Variants in UTS2B observed in about 807,000 individuals in gnomAD.
The protein encoded by UTS2B is urotensin-2B.
In UTS2B, 21 loss-of-function variants were observed where a neutral mutation model predicts 19.2. The ratio of observed to expected loss-of-function variants is 1.09; its 90% CI spans 0.78 to 1.58. The LOEUF is 1.58. Ranked by LOEUF, UTS2B falls within the 40% of genes most tolerant of loss-of-function variation. The pLI, the probability that UTS2B is intolerant of heterozygous loss-of-function variation, is 0.00. For synonymous variants in UTS2B, 57 were observed against 50.2 expected (o/e 1.14, Z -0.58); for missense variants, 138 against 130.3 (o/e 1.06, Z -0.29).
the UTS2B span, among the ~76,000 whole-genome samples, chr3:191,338,855 A>G: frequency 6.6e-6 from 1 of 152,230 alleles, no homozygotes; most frequent in Admixed American, 6.5e-5. Flanking sequence ...TTTAAGGATT[A>G]ATTTTAATTA....
chr3:191,273,117 G>A (rs542286795), intron 8 of UTS2B, among the ~76,000 whole-genome samples: 3 of 152,288 alleles, frequency 2.0e-5, no homozygotes, highest in Admixed American at 1.3e-4. Context: ...GCAGTGAGCC[G>A]AGATCGCACC....
chr3:191,289,659 G>A (rs907144160), intron 4 of UTS2B, among the ~76,000 whole-genome samples: 2 of 151,852 alleles, frequency 1.3e-5, no homozygotes, highest in Non-Finnish European at 2.9e-5. Context: ...AGGATATTAT[G>A]TTCAATAAAA....
chr3:191,300,218 T>G (rs561283869), intron 4 of UTS2B, among the ~76,000 whole-genome samples: 1 of 151,660 alleles, frequency 6.6e-6, no homozygotes, highest in South Asian at 2.1e-4. Flanking sequence ...CCTGGCTAAT[T>G]TTTGTATTTT....
At chr3:191,338,745 G>A in the UTS2B span, among the ~76,000 whole-genome samples, 1 of 152,144 alleles carries the variant, frequency 6.6e-6, no homozygotes, top group Admixed American at 6.5e-5. Flanking sequence ...TGTTGTATGA[G>A]TTGTTCCAGC....
At chr3:191,329,857 G>A (rs1368217532) in intron 1 of UTS2B, 4 of 737,706 alleles carry the variant, frequency 5.4e-6, no homozygotes, top group Non-Finnish European at 8.3e-6. Flanking sequence ...TTGCCCGGAC[G>A]TGAAAGGAAT....
chr3:191,289,803 G>T (rs1178635499), intron 4 of UTS2B, among the ~76,000 whole-genome samples: 2 of 152,318 alleles, frequency 1.3e-5, no homozygotes, highest in African/African-American at 2.4e-5. Context: ...GGGGAAGGGA[G>T]AATGTGTAAG....
intron 8 of UTS2B, among the ~76,000 whole-genome samples, chr3:191,272,636 G>A (rs182960318): frequency 6.6e-6 from 1 of 152,098 alleles, no homozygotes; most frequent in Admixed American, 6.5e-5. Flanking sequence ...AGAAGCGGGT[G>A]GATCACCTGA....
At chr3:191,313,920 AG>A (rs113244700) in intron 3 of UTS2B, among the ~76,000 whole-genome samples, 211 of 151,914 alleles carry the variant, frequency 1.4e-3, no homozygotes, top group African/African-American at 4.8e-3. Flanking sequence ...TAGTAGAGAC[AG>A]GGTTTCACCA....
chr3:191,326,887 G>A (rs1717756488), intron 2 of UTS2B, among the ~76,000 whole-genome samples: 1 of 152,230 alleles, frequency 6.6e-6, no homozygotes, highest in Admixed American at 6.5e-5. Flanking sequence ...CAACTATGGG[G>A]TGGATTTCCA....
chr3:191,308,933 TGAGGACTGTATTACAAAA>T (rs1717215452), intron 3 of UTS2B, among the ~76,000 whole-genome samples: 1 of 152,182 alleles, frequency 6.6e-6, no homozygotes, highest in Non-Finnish European at 1.5e-5. Context: ...TCAAGATAAT[TGAGGACTGTATTACAAAA>T]GAGACTAGGA....
chr3:191,340,359 A>T, the UTS2B span, among the ~76,000 whole-genome samples: 1 of 152,254 alleles, frequency 6.6e-6, no homozygotes, highest in African/African-American at 2.4e-5. Flanking sequence ...ATCTATATTT[A>T]TTACATTTCA....
intron 8 of UTS2B, among the ~76,000 whole-genome samples, chr3:191,274,763 T>C (rs1716184288): frequency 6.6e-6 from 1 of 152,074 alleles, no homozygotes; most frequent in Non-Finnish European, 1.5e-5. Flanking sequence ...TTTTCAAAAA[T>C]AAAAACAAAG....
At chr3:191,342,277 T>A in the UTS2B span, among the ~76,000 whole-genome samples, 2 of 152,196 alleles carry the variant, frequency 1.3e-5, no homozygotes. Context: ...TTTAAGAGAT[T>A]ATTTTACCAT....
chr3:191,307,773 T>C (rs1717180084), intron 3 of UTS2B, among the ~76,000 whole-genome samples: 1 of 152,192 alleles, frequency 6.6e-6, no homozygotes. Context: ...CTCTCTTCTT[T>C]GTCAGTCAGC....
chr3:191,337,628 C>G, the UTS2B span, among the ~76,000 whole-genome samples: 1 of 151,986 alleles, frequency 6.6e-6, no homozygotes, highest in African/African-American at 2.4e-5. Context: ...CAAGCATTAG[C>G]CACTGCACCC....
rs575202896 is a variant in UTS2B at position 191,279,753 on chromosome 3, A to C, written c.104-1583T>G. On this transcript the variant is annotated intron_variant, in intron 5 of 8. Coordinates refer to ENST00000340524, the MANE Select transcript of UTS2B (RefSeq NM_198152.5). ...AAATTTCTTATCACTATCTCTTAAG[A>C]AAAAAACCTCTTTTATGGGAGTCTC... 8.5e-5 allele frequency among the ~76,000 whole-genome samples: 13 copies of C among 152,168 alleles called. 1 individual carries two copies. In the East Asian group the frequency reaches 2.3e-3, roughly 27 times the overall value.
chr3:191,315,281 G>A (rs772489112), intron 3 of UTS2B, among the ~76,000 whole-genome samples: 2 of 152,152 alleles, frequency 1.3e-5, no homozygotes, highest in Non-Finnish European at 2.9e-5. Context: ...CCAAAGTGCT[G>A]GGATTACAGG....
intron 5 of UTS2B, among the ~76,000 whole-genome samples, chr3:191,281,353 T>C (rs965144959): frequency 6.6e-6 from 1 of 152,160 alleles, no homozygotes; most frequent in African/African-American, 2.4e-5. Context: ...GAGGCTAAGT[T>C]GTTTGCCTGA....
intron 8 of UTS2B, among the ~76,000 whole-genome samples, chr3:191,268,707 G>A (rs1328229025): frequency 1.3e-5 from 2 of 152,174 alleles, no homozygotes; most frequent in African/African-American, 4.8e-5. Flanking sequence ...ACTAGAGAAT[G>A]TTCCCATCAC....
Sources: allele counts gnomAD v4.1 joint callset (sites outside exome capture counted in the v4.1 genomes callset), GRCh38; gene constraint gnomAD v4.1.1; transcripts MANE v1.5; gene names NCBI Gene and HGNC (gene_info 2026-07-23, HGNC 2026-07-21).